NINJ1: variants seen among roughly 807,000 people sequenced by gnomAD.
NINJ1 encodes ninjurin 1.
Under a neutral mutation model 12.7 loss-of-function variants are expected in NINJ1, and 6 were observed. The observed-to-expected ratio is 0.47, with a 90% CI of 0.26 to 0.93. NINJ1 has a LOEUF of 0.93. Among genes scored for constraint, NINJ1 ranks in the 40% least tolerant of loss-of-function variants. The probability of loss-of-function intolerance (pLI) is 0.15; values close to 1 mark genes in which losing one functional copy is unlikely to be tolerated. For missense variants in NINJ1, 170 were observed against 213.0 expected, an observed-to-expected ratio of 0.80 and a Z score of 1.26; for synonymous variants, 100 against 96.0, an observed-to-expected ratio of 1.04 and a Z score of -0.25.
intron 1 of NINJ1, among the ~76,000 whole-genome samples, chr9:93,127,068 C>T (rs1257117508): frequency 6.6e-6 from 1 of 152,104 alleles, no homozygotes; most frequent in Admixed American, 6.5e-5. Context: ...CTGTGCACAC[C>T]GGCCCAGGCA....
Position 93,123,774 on chromosome 9 carries a change from A to G in NINJ1, c.*9+1125T>C, listed in dbSNP as rs917800306. 2.0e-5 allele frequency among the ~76,000 whole-genome samples: 3 copies of G among 152,270 alleles called. No individual in the cohort carries two copies. In the East Asian group the frequency reaches 5.8e-4, roughly 29 times the overall value. The stretch of plus-strand genomic sequence containing the variant: ...GACCCCTAGGCCTAAGGTCGCGGGG[A>G]CTGTGGTGTGTGGCCCTGGCCTGGC... On this transcript the variant is annotated intron_variant, in intron 3 of 3. Transcript: ENST00000375446.
At position 93,124,552 on chromosome 9, in the gene NINJ1, G is replaced by A. The variant is rs181288938; in HGVS notation, c.*9+347C>T. Among the ~76,000 whole-genome samples, 1,391 of 151,470 alleles carry A rather than the reference G, an allele frequency of 9.2e-3. 15 individuals are homozygous for A. The highest frequency in any genetic ancestry group is 0.01 in the Non-Finnish European group (698 of 67,904). On this transcript the variant is annotated intron_variant, in intron 3 of 3. Coordinates refer to ENST00000375446, the MANE Select transcript of NINJ1 (RefSeq NM_004148.4). Reference sequence around the variant, plus strand: ...AGCCTCCCAAAGTGCTGGGATTACCGGCATGAGCCACCGCGCCTGACCCAG... The same window carrying A: ...AGCCTCCCAAAGTGCTGGGATTACCAGCATGAGCCACCGCGCCTGACCCAG...
chr9:93,129,573 TC>T (rs982098413), intron 1 of NINJ1, among the ~76,000 whole-genome samples: 36 of 152,016 alleles, frequency 2.4e-4, no homozygotes, highest in Middle Eastern at 3.4e-3. Context: ...TGACGCAAGC[TC>T]CCCCTCCGTT....
In NINJ1 at chr9:93,126,501, GC is replaced by G. The variant is rs1827811244; in HGVS notation, c.212del (p.Gly71AlafsTer61). On this transcript the variant is annotated frameshift_variant, in exon 2 of 4. Transcript: ENST00000375446. LOFTEE classifies it high-confidence loss of function. ...GGGGCACATAGAAGGCGAAGCTGGG[GC>G]CCTGTTCCACGACGGCCTTCAGCTG... ...ASQLKAVVEQGPSFAFYVPLV... is the reference protein window; with the variant it reads ...ASQLKAVVEQXPSFAFYVPLV... The G allele has an allele frequency of 1.2e-6, 2 of 1,614,212 alleles. No homozygotes were observed. The highest frequency in any genetic ancestry group is 3.3e-4 in the Middle Eastern group (2 of 6,062).
At chr9:93,132,275 A>G (rs1179671318) in intron 1 of NINJ1, among the ~76,000 whole-genome samples, 1 of 152,116 alleles carries the variant, frequency 6.6e-6, no homozygotes, top group Non-Finnish European at 1.5e-5. Flanking sequence ...TCTACCCCTC[A>G]AGGGGAAATG....
Sources: gnomAD v4.1 joint callset for allele counts (sites outside exome capture counted in the v4.1 genomes callset) on GRCh38, gnomAD v4.1.1 for gene constraint, MANE v1.5 for transcripts, NCBI Gene and HGNC (gene_info 2026-07-23, HGNC 2026-07-21) for gene names.